Variants in UNC80 observed in about 807,000 individuals in gnomAD.
UNC80 encodes the protein unc-80 subunit of NALCN channel complex, also known as protein unc-80 homolog.
In UNC80, 164 loss-of-function variants were observed where a neutral mutation model predicts 384.6. The ratio of observed to expected loss-of-function variants is 0.43; its 90% CI spans 0.38 to 0.49. The LOEUF (loss-of-function observed/expected upper bound fraction) is 0.49. Ranked by LOEUF, UNC80 falls within the 20% of genes least tolerant of loss-of-function variation. The pLI is 0.00. For synonymous variants in UNC80, 1,486 were observed against 1,527.8 expected (o/e 0.97, Z 0.64); for missense variants, 3,330 against 4,143.0 (o/e 0.80, Z 5.39).
chr2:209,974,668 T>G (rs1162356246), intron 56 of UNC80, among the ~76,000 whole-genome samples: 1 of 152,228 alleles, frequency 6.6e-6, no homozygotes, highest in East Asian at 1.9e-4. Context: ...CTCTAAGAAG[T>G]TAGTGTTATT....
intron 43 of UNC80, 125 bp downstream of exon 43, chr2:209,939,777 A>T: frequency 1.2e-6 from 1 of 806,150 alleles, no homozygotes; most frequent in East Asian, 2.9e-5. Flanking sequence ...CAGGTTTGTT[A>T]CATATGTATA....
rs76521176 is a variant in UNC80, at chr2:209,933,992, C to T, written c.6165C>T (p.Thr2055=). ...KEQCEVKLLV[T]ASMPGTKTLV... is the part of the protein sequence containing the mutation. ...AGTGTGAGGTGAAGCTCCTGGTGAC[C>T]GCTTCAATGCCAGGTAAGCCACTAC... The change falls in exon 39 of 65, where the codon ACC becomes ACT. Residue 2055 remains threonine, a synonymous_variant. Coordinates refer to ENST00000673920, the MANE Select transcript of UNC80 (RefSeq NM_001371986.1). 5.8e-4 allele frequency: 890 copies of T among 1,543,720 alleles called. 3 individuals are homozygous for T. Among genetic ancestry groups the T allele is most frequent in the Middle Eastern group, 2.2e-3 (11 of 5,028 alleles).
chr2:209,970,817 CTGTT>C lies in UNC80; in HGVS notation c.8131-11_8131-8del. 6.4e-7 allele frequency: 1 copy of C among 1,550,882 alleles called. No homozygotes were observed. The highest frequency in any genetic ancestry group is 8.7e-7 in the Non-Finnish European group (1 of 1,146,640). On this transcript the variant is annotated splice_polypyrimidine_tract_variant and intron_variant, in intron 53 of 64. Coordinates refer to ENST00000673920, the MANE Select transcript of UNC80 (RefSeq NM_001371986.1). ...CAATAGTCAAGGCTGGTCATGTGCT[CTGTT>C]TGTATTTCAGGTGATGGGAGTGGTA...
chr2:209,954,034 A>T (rs1221106482), intron 47 of UNC80, 66 bp from the exon 48 acceptor site: 3 of 1,482,142 alleles, frequency 2.0e-6, no homozygotes, highest in Non-Finnish European at 2.7e-6. Context: ...CTATGCTCTT[A>T]AGTGTGACAC....
Position 209,926,966 on chromosome 2 carries a change from T to A in UNC80, c.5786T>A (p.Val1929Glu). The A allele has an allele frequency of 6.4e-7, 1 of 1,551,972 alleles. No homozygotes were observed. Among genetic ancestry groups the A allele is most frequent in the Non-Finnish European group, 8.7e-7 (1 of 1,147,012 alleles). ...GTTCATCTGATGGAGGATGGTGAGGTGCGGGAAGATGGAGTAGCAGGTACA... is the reference window on the plus strand; with the variant it reads ...GTTCATCTGATGGAGGATGGTGAGGAGCGGGAAGATGGAGTAGCAGGTACA... ...PIVHLMEDGE[V>E]REDGVAVSAV... Residue 1929 changes from valine to glutamate, a missense_variant, in exon 36 of 65, where the codon GTG (valine) becomes GAG (glutamate). Transcript: ENST00000673920.
At chr2:209,860,178 CT>C (rs1483948665) in intron 22 of UNC80, among the ~76,000 whole-genome samples, 1 of 152,116 alleles carries the variant, frequency 6.6e-6, no homozygotes, top group Non-Finnish European at 1.5e-5. Context: ...ACATTTAAGT[CT>C]TTAATCCATC....
At chr2:209,936,965 T>C in intron 41 of UNC80, 32 bp downstream of exon 41, 1 of 1,450,798 alleles carries the variant, frequency 6.9e-7, no homozygotes. Flanking sequence ...CCCCGTTGAG[T>C]TGTGCCAAAG....
intron 24 of UNC80, among the ~76,000 whole-genome samples, chr2:209,880,207 A>G (rs1452630193): frequency 6.6e-6 from 1 of 152,206 alleles, no homozygotes; most frequent in Non-Finnish European, 1.5e-5. Flanking sequence ...AAAAATCACT[A>G]TGGTGTTACC....
intron 22 of UNC80, among the ~76,000 whole-genome samples, chr2:209,862,147 T>C (rs1036035726): frequency 6.6e-6 from 1 of 152,208 alleles, no homozygotes; most frequent in Non-Finnish European, 1.5e-5. Context: ...TTTGAGATCT[T>C]CCTAGCTTTC....
intron 26 of UNC80, among the ~76,000 whole-genome samples, chr2:209,891,520 C>G (rs2086325080): frequency 2.0e-5 from 3 of 151,932 alleles, no homozygotes; most frequent in Admixed American, 2.0e-4. Flanking sequence ...CACAATTAAA[C>G]TTCAGCAGAG....
At position 209,815,473 on chromosome 2, in the gene UNC80, C is replaced by T. The variant is rs75528412; in HGVS notation, c.1335+82C>T. ...ACATGAGATGTTTCTGATGATACTG[C>T]AGTATGGGGTGAGGTGGGAAAGGGA... On this transcript the variant is annotated intron_variant, in intron 9 of 64. Transcript: ENST00000673920. 0.019 allele frequency: 27,584 copies of T among 1,429,572 alleles called. 2,087 individuals carry two copies. The East Asian group carries it at 0.23, about 12-fold the overall frequency. 88.6% of individuals were successfully genotyped at this position (1,429,572 alleles called of 1,614,324 possible).
At chr2:209,789,702 G>A (rs2077673165) in intron 6 of UNC80, 97 bp downstream of exon 6, 1 of 814,372 alleles carries the variant, frequency 1.2e-6, no homozygotes. Flanking sequence ...TCACTACCAG[G>A]CTCAAAGCCA....
rs139989478 is a variant in UNC80, at chr2:209,850,877, G to A, written c.3627+1254G>A. The stretch of plus-strand genomic sequence containing the variant: ...GCAGGAGAGCTTGACAAGGCAAGGA[G>A]CCAATCCCCTGTTTTCTAGGTGGGA... On this transcript the variant is annotated intron_variant, in intron 22 of 64. Coordinates refer to ENST00000673920, the MANE Select transcript of UNC80 (RefSeq NM_001371986.1). Among the ~76,000 whole-genome samples the A allele has an allele frequency of 5.0e-3, 768 of 152,108 alleles. 8 individuals are homozygous for A. The highest frequency in any genetic ancestry group is 0.016 in the African/African-American group (645 of 41,528).
chr2:209,913,469 A>G (rs374382859), intron 30 of UNC80, among the ~76,000 whole-genome samples: 93 of 152,264 alleles, frequency 6.1e-4, no homozygotes, highest in African/African-American at 2.2e-3. Flanking sequence ...TCCTTTAAAA[A>G]TCTATGAAGA....
intron 56 of UNC80, among the ~76,000 whole-genome samples, chr2:209,975,486 C>T (rs140877620): frequency 1.1e-4 from 16 of 152,170 alleles, no homozygotes; most frequent in African/African-American, 2.7e-4. Context: ...TAGTAACAGA[C>T]GTAGTGTGTG....
intron 9 of UNC80, among the ~76,000 whole-genome samples, chr2:209,816,519 G>T (rs1395019834): frequency 6.6e-6 from 1 of 152,210 alleles, no homozygotes; most frequent in Non-Finnish European, 1.5e-5. Flanking sequence ...AAACTTTAGT[G>T]TGCATCAGAA....
At chr2:209,906,882 A>G (rs2088287065) in intron 29 of UNC80, among the ~76,000 whole-genome samples, 1 of 152,186 alleles carries the variant, frequency 6.6e-6, no homozygotes, top group South Asian at 2.1e-4. Context: ...GGTTAAAACC[A>G]TATATGTTGA....
chr2:209,867,583 T>C, intron 22 of UNC80, among the ~76,000 whole-genome samples: 1 of 152,162 alleles, frequency 6.6e-6, no homozygotes, highest in Non-Finnish European at 1.5e-5. Context: ...AGATTTTTTC[T>C]TATTCATCCA....
rs1011792625 is a variant in UNC80, at chr2:209,888,343, T to G, written c.4276+83T>G. The G allele has an allele frequency of 2.2e-6, 3 of 1,395,102 alleles. No individual in the cohort carries two copies. The African/African-American group carries it at 4.4e-5, about 20-fold the overall frequency. 86.4% of individuals were successfully genotyped at this position (1,395,102 alleles called of 1,614,324 possible). A position where few individuals can be genotyped will look rare whatever the true frequency, so the allele number is the denominator to read the frequency against. On this transcript the variant is annotated intron_variant, in intron 26 of 64. Coordinates refer to ENST00000673920, the MANE Select transcript of UNC80 (RefSeq NM_001371986.1). ...TTGCACTAGGGTCTAAACTACAAAA[T>G]TGTGTACCCAAATTGTTGACTTCCT...
Sources: allele counts gnomAD v4.1 joint callset (sites outside exome capture counted in the v4.1 genomes callset), GRCh38; gene constraint gnomAD v4.1.1; transcripts MANE v1.5; gene names NCBI Gene and HGNC (gene_info 2026-07-23, HGNC 2026-07-21).